Variants in NARS2 observed in about 807,000 individuals in gnomAD.
The protein encoded by NARS2 is asparaginyl-tRNA synthetase.
In NARS2, 60 loss-of-function variants were observed where a neutral mutation model predicts 62.9. The observed-to-expected ratio is 0.95, with a 90% CI of 0.77 to 1.18. NARS2 has a LOEUF of 1.18. Ranked by LOEUF, NARS2 falls within the 50% of genes most tolerant of loss-of-function variation. NARS2 has a pLI of 0.00. For missense variants in NARS2, 619 were observed against 576.4 expected, an observed-to-expected ratio of 1.07 and a Z score of -0.76; for synonymous variants, 196 against 200.0, an observed-to-expected ratio of 0.98 and a Z score of 0.17.
At chr11:78,471,789 G>C (rs1260490200) in intron 9 of NARS2, among the ~76,000 whole-genome samples, 4 of 149,474 alleles carry the variant, frequency 2.7e-5, no homozygotes, top group Non-Finnish European at 5.9e-5. Flanking sequence ...GCGGTGTTTG[G>C]TTTTTTGTTC....
chr11:78,449,171 T>C (rs1012368591), intron 11 of NARS2, among the ~76,000 whole-genome samples: 63 of 147,250 alleles, frequency 4.3e-4, no homozygotes, highest in Admixed American at 7.5e-4. Context: ...AGTCTTGCTC[T>C]GTCACCCAGG....
chr11:78,526,417 T>A (rs1427253373), intron 6 of NARS2, among the ~76,000 whole-genome samples: 2 of 152,134 alleles, frequency 1.3e-5, no homozygotes, highest in Non-Finnish European at 2.9e-5. Flanking sequence ...CTCTTCAGAT[T>A]GCATAAATCT....
At position 78,574,628 on chromosome 11, in the gene NARS2, G is replaced by A. The variant is rs1169716007; in HGVS notation, c.-140C>T. On this transcript the variant is annotated 5_prime_UTR_variant, in exon 1 of 14. Coordinates refer to ENST00000281038, the MANE Select transcript of NARS2 (RefSeq NM_024678.6). ...AGGCACTCCAGAGCCCCTCGGCTGC[G>A]CGCTTTCTCCTTCAGGACTCCCAGC... is the stretch of plus-strand genomic sequence containing the variant. 4.3e-6 allele frequency: 4 copies of A among 925,954 alleles called. 1 individual carries two copies. The Admixed American group carries it at 1.2e-4, about 27-fold the overall frequency. The allele number at this position is 925,954 out of a possible 1,614,324, so 57.4% of individuals were successfully genotyped here.
chr11:78,463,583 G>A (rs1469235887), intron 11 of NARS2, among the ~76,000 whole-genome samples: 1 of 152,082 alleles, frequency 6.6e-6, no homozygotes, highest in Non-Finnish European at 1.5e-5. Context: ...CTACTTGGGA[G>A]GCTGAGGCAG....
At chr11:78,455,348 C>T (rs1404492500) in intron 11 of NARS2, among the ~76,000 whole-genome samples, 1 of 152,090 alleles carries the variant, frequency 6.6e-6, no homozygotes, top group Non-Finnish European at 1.5e-5. Flanking sequence ...CCACAACAAA[C>T]CTGTGATGAT....
At chr11:78,447,166 T>TG (rs1857792482) in intron 11 of NARS2, among the ~76,000 whole-genome samples, 2 of 140,766 alleles carry the variant, frequency 1.4e-5, no homozygotes, top group African/African-American at 5.2e-5. Context: ...CACCTGTTAG[T>TG]GTTTTTTTTT....
chr11:78,438,471 G>C (rs1003047172), intron 13 of NARS2, among the ~76,000 whole-genome samples: 1 of 152,102 alleles, frequency 6.6e-6, no homozygotes, highest in African/African-American at 2.4e-5. Flanking sequence ...GACCTGACCT[G>C]GCTGCTACAA....
chr11:78,466,453 C>T (rs1004093976), intron 10 of NARS2, among the ~76,000 whole-genome samples: 1 of 152,120 alleles, frequency 6.6e-6, no homozygotes, highest in East Asian at 1.9e-4. Context: ...TAATATTGAG[C>T]CTATCTTTGG....
At chr11:78,566,106 T>C (rs747870273) in intron 4 of NARS2, 26 bp downstream of exon 4, 1 of 1,582,538 alleles carries the variant, frequency 6.3e-7, no homozygotes, top group Non-Finnish European at 8.6e-7. Flanking sequence ...GTTTAAAGGG[T>C]CAAGAGGGAA....
At chr11:78,449,562 C>T (rs115179918) in intron 11 of NARS2, among the ~76,000 whole-genome samples, 2,274 of 152,094 alleles carry the variant, frequency 0.015, 58 homozygotes, top group African/African-American at 0.052. Flanking sequence ...TATTGCTGCA[C>T]TTAGTATAAA....
At chr11:78,494,561 C>A (rs1365639203) in intron 6 of NARS2, among the ~76,000 whole-genome samples, 1 of 149,798 alleles carries the variant, frequency 6.7e-6, no homozygotes, top group Non-Finnish European at 1.5e-5. Flanking sequence ...CTCTCAATTG[C>A]CATTTCAGTA....
At chr11:78,457,671 G>A (rs1339027454) in intron 11 of NARS2, among the ~76,000 whole-genome samples, 2 of 152,178 alleles carry the variant, frequency 1.3e-5, no homozygotes, top group Non-Finnish European at 2.9e-5. Context: ...CCTTTAGGGT[G>A]TGAGACCACA....
chr11:78,541,962 C>T (rs1590837619), intron 5 of NARS2, among the ~76,000 whole-genome samples: 2 of 152,188 alleles, frequency 1.3e-5, no homozygotes, highest in African/African-American at 2.4e-5. Context: ...TGCCTATTAA[C>T]AAGCCATATA....
intron 5 of NARS2, among the ~76,000 whole-genome samples, chr11:78,529,317 C>T (rs919246229): frequency 2.0e-5 from 3 of 152,164 alleles, no homozygotes; most frequent in African/African-American, 4.8e-5. Flanking sequence ...TTAATTATCT[C>T]AAGAGAATAG....
At chr11:78,514,808 C>T (rs1409741863) in intron 6 of NARS2, among the ~76,000 whole-genome samples, 4 of 152,094 alleles carry the variant, frequency 2.6e-5, no homozygotes, top group Admixed American at 2.6e-4. Flanking sequence ...AGAGTTAGCA[C>T]ATTAGACAGA....
intron 5 of NARS2, among the ~76,000 whole-genome samples, chr11:78,556,358 C>T (rs917323989): frequency 6.6e-6 from 1 of 152,142 alleles, no homozygotes; most frequent in African/African-American, 2.4e-5. Flanking sequence ...AGCAATTCCA[C>T]CTTATTTCCC....
intron 6 of NARS2, among the ~76,000 whole-genome samples, chr11:78,507,425 A>C (rs1860543592): frequency 6.6e-6 from 1 of 152,136 alleles, no homozygotes; most frequent in African/African-American, 2.4e-5. Context: ...GTCCAAAAGA[A>C]TAAATAAAAA....
rs114493601 is a variant in NARS2 at position 78,471,314 on chromosome 11, A to G, written c.960-2001T>C. Among the ~76,000 whole-genome samples, 935 of 152,344 alleles carry G rather than the reference A, an allele frequency of 6.1e-3. 7 individuals are homozygous for G. Among genetic ancestry groups the G allele is most frequent in the African/African-American group, 0.021 (874 of 41,590 alleles). Reference sequence around the variant, plus strand: ...AGAGTATAAGCTTTTAACGGCTAAGATAATGACTGAAACACTTAGAGTTTC... The same window carrying G: ...AGAGTATAAGCTTTTAACGGCTAAGGTAATGACTGAAACACTTAGAGTTTC... On this transcript the variant is annotated intron_variant, in intron 9 of 13. Coordinates refer to ENST00000281038, the MANE Select transcript of NARS2 (RefSeq NM_024678.6).
intron 6 of NARS2, among the ~76,000 whole-genome samples, chr11:78,523,935 C>T (rs180950612): frequency 0.011 from 1,628 of 152,200 alleles, 13 homozygotes; most frequent in Non-Finnish European, 0.018. Context: ...TGAATATCTT[C>T]AAAATATGCT....
Sources: gnomAD v4.1 joint callset for allele counts (sites outside exome capture counted in the v4.1 genomes callset) on GRCh38, gnomAD v4.1.1 for gene constraint, MANE v1.5 for transcripts, NCBI Gene and HGNC (gene_info 2026-07-23, HGNC 2026-07-21) for gene names.